The following ECPAS variants were observed in gnomAD, a reference collection of about 807,000 sequenced individuals.
ECPAS encodes Ecm29 proteasome adaptor and scaffold, also known as proteasome adapter and scaffold protein ECM29.
ECPAS carries 70 observed loss-of-function variants against 255.1 expected under a neutral mutation model. The observed-to-expected ratio is 0.27, with a 90% CI of 0.23 to 0.33. ECPAS has a LOEUF of 0.33. ECPAS is among the 10% of genes least tolerant of loss of function. ECPAS has a pLI of 1.00. For missense variants in ECPAS, 1,817 were observed against 2,206.4 expected, an observed-to-expected ratio of 0.82 and a Z score of 3.54; for synonymous variants, 784 against 775.0, an observed-to-expected ratio of 1.01 and a Z score of -0.19.
rs562752829 is a variant in ECPAS at position 111,422,303 on chromosome 9, A to G, written c.1266-103T>C. The G allele has an allele frequency of 3.3e-4, 405 of 1,241,350 alleles. 1 individual carries two copies. In the African/African-American group the frequency reaches 5.8e-3, roughly 18 times the overall value. The allele number at this position is 1,241,350 out of a possible 1,614,324, so 76.9% of individuals were successfully genotyped here. ...AAATTTTCCTGAACTCTCTGAAGACAATGTCAGCATCATTACCCGCTCTGA... is the reference window on the plus strand; with the variant it reads ...AAATTTTCCTGAACTCTCTGAAGACGATGTCAGCATCATTACCCGCTCTGA... On this transcript the variant is annotated intron_variant, in intron 13 of 49. Coordinates refer to ENST00000684092, the MANE Select transcript of ECPAS (RefSeq NM_001364929.1).
chr9:111,398,729 G>T (rs755598657), intron 24 of ECPAS, among the ~76,000 whole-genome samples: 1 of 152,126 alleles, frequency 6.6e-6, no homozygotes, highest in African/African-American at 2.4e-5. Context: ...CTGAGGTCAG[G>T]AGTTTAAGAC....
At position 111,410,116 on chromosome 9, in the gene ECPAS, C is replaced by G; in HGVS notation, c.2475G>C (p.Glu825Asp). 6.2e-7 allele frequency: 1 copy of G among 1,608,334 alleles called. No individual in the cohort carries two copies. The highest frequency in any genetic ancestry group is 8.5e-7 in the Non-Finnish European group (1 of 1,177,402). ...GATGCAATTTGGTAAAGCCAGATCC[C>G]TCACTGGGGATTGGAAGTGGACCAT... is the stretch of plus-strand genomic sequence containing the variant. ...GRNGPLPIPS[E>D]GSGFTKLHLV... The change falls in exon 23 of 50, where the codon GAG (glutamate) becomes GAC (aspartate). Residue 825 changes from glutamate (E) to aspartate (D), a missense_variant. Glu to Asp is a conservative substitution (Grantham distance 45). This residue lies in a region of ECPAS where 194 missense variants were observed against 152.8 expected (regional missense o/e 1.27). Coordinates refer to ENST00000684092, the MANE Select transcript of ECPAS (RefSeq NM_001364929.1).
At chr9:111,417,746 C>CA (rs397935038) in intron 17 of ECPAS, 137 bp downstream of exon 17, 182,726 of 714,358 alleles carry the variant, frequency 0.26, 3,922 homozygotes, top group East Asian at 0.36. Context: ...AGCTCCATCT[C>CA]AAAAAAAAAA....
At chr9:111,481,578 C>A (rs533579222) in intron 1 of ECPAS, among the ~76,000 whole-genome samples, 22 of 152,238 alleles carry the variant, frequency 1.4e-4, no homozygotes, top group Admixed American at 4.6e-4. Flanking sequence ...ATCACATGAT[C>A]CAGCAATTAC....
At chr9:111,403,798 T>A (rs1488196621) in intron 24 of ECPAS, among the ~76,000 whole-genome samples, 1 of 149,880 alleles carries the variant, frequency 6.7e-6, no homozygotes, top group Non-Finnish European at 1.5e-5. Flanking sequence ...CCAACTGCTA[T>A]AGAATACACG....
chr9:111,378,501 GTCAT>G, intron 36 of ECPAS, 75 bp downstream of exon 36: 1 of 1,405,586 alleles, frequency 7.1e-7, no homozygotes, highest in Non-Finnish European at 9.7e-7. Flanking sequence ...TAGTGACAGT[GTCAT>G]TCAAATGAAC....
intron 10 of ECPAS, 69 bp downstream of exon 10, chr9:111,427,973 G>T: frequency 2.1e-6 from 3 of 1,453,800 alleles, no homozygotes; most frequent in Non-Finnish European, 2.8e-6. Context: ...CATTAACACA[G>T]TTCTTTCTCT....
chr9:111,429,529 G>A (rs2098226755), intron 9 of ECPAS, among the ~76,000 whole-genome samples: 1 of 152,080 alleles, frequency 6.6e-6, no homozygotes, highest in Admixed American at 6.6e-5. Context: ...AGAACATGAG[G>A]CCAGGAAAAG....
chr9:111,432,662 C>T (rs182066546), intron 8 of ECPAS, among the ~76,000 whole-genome samples: 2 of 152,276 alleles, frequency 1.3e-5, no homozygotes, highest in Admixed American at 1.3e-4. Flanking sequence ...TCAATAGAAA[C>T]GTAAATGGGT....
Position 111,392,840 on chromosome 9 carries a change from T to C in ECPAS, c.3020A>G (p.Tyr1007Cys). Residue 1007 changes from tyrosine to cysteine, a missense_variant, in exon 28 of 50, where the codon TAT becomes TGT. Coordinates refer to ENST00000684092, the MANE Select transcript of ECPAS (RefSeq NM_001364929.1). The part of the protein sequence containing the change: ...DVASKGLGLV[Y>C]ELGNEQDQQE... ...TTGATCTTGTTCATTGCCTAGTTCA[T>C]AAACCAACCCAAGGCCCTTTGATGC... The C allele has an allele frequency of 6.2e-7, 1 of 1,613,730 alleles. No individual in the cohort carries two copies. Among genetic ancestry groups the C allele is most frequent in the Non-Finnish European group, 8.5e-7 (1 of 1,179,760 alleles).
At chr9:111,417,000 T>C (rs2131760909) in intron 17 of ECPAS, among the ~76,000 whole-genome samples, 1 of 152,216 alleles carries the variant, frequency 6.6e-6, no homozygotes, top group African/African-American at 2.4e-5. Context: ...ATCCTTAAAC[T>C]TACACTACCC....
At position 111,366,637 on chromosome 9, in the gene ECPAS, A is replaced by G; in HGVS notation, c.5114-10T>C. 1 of 1,592,468 alleles carries G rather than the reference A, an allele frequency of 6.3e-7. No homozygotes were observed. The highest frequency in any genetic ancestry group is 1.7e-5 in the Admixed American group (1 of 59,790). On this transcript the variant is annotated splice_polypyrimidine_tract_variant and intron_variant, in intron 46 of 49. Transcript: ENST00000684092. ...TCCTGACGATAACAACCTGGGAAAA[A>G]AAGACAAGGTGGGACAGAGCAGGAG... is the stretch of plus-strand genomic sequence containing the variant.
intron 1 of ECPAS, among the ~76,000 whole-genome samples, chr9:111,480,683 A>C (rs2098303464): frequency 6.6e-6 from 1 of 152,230 alleles, no homozygotes; most frequent in African/African-American, 2.4e-5. Context: ...TAACCAGTGT[A>C]CATGTATATG....
In ECPAS at chr9:111,407,180, T is replaced by G. The variant is rs184704869; in HGVS notation, c.2652+1391A>C. Among the ~76,000 whole-genome samples the G allele has an allele frequency of 8.8e-4, 128 of 145,840 alleles. 10 individuals carry two copies. Among genetic ancestry groups the G allele is most frequent in the African/African-American group, 2.8e-3 (103 of 37,422 alleles). On this transcript the variant is annotated intron_variant, in intron 24 of 49. Transcript: ENST00000684092. ...ACTTTGGGAGGCCGAGGTGGGCGGA[T>G]CACCTGAGGGCAGAAGTTCAAGACC...
At chr9:111,469,341 C>A (rs1408095200) in intron 2 of ECPAS, among the ~76,000 whole-genome samples, 1 of 151,774 alleles carries the variant, frequency 6.6e-6, no homozygotes, top group Non-Finnish European at 1.5e-5. Context: ...GAGACCAGCC[C>A]GGCCAACATG....
intron 1 of ECPAS, among the ~76,000 whole-genome samples, chr9:111,475,287 G>A (rs1461686853): frequency 6.6e-6 from 1 of 152,182 alleles, no homozygotes; most frequent in African/African-American, 2.4e-5. Context: ...TGAAACGAGA[G>A]CTCAGCAACA....
At chr9:111,449,433 A>G (rs2098257370) in intron 3 of ECPAS, among the ~76,000 whole-genome samples, 1 of 152,170 alleles carries the variant, frequency 6.6e-6, no homozygotes, top group African/African-American at 2.4e-5. Flanking sequence ...TTGCTTCAGT[A>G]AACATTTAAA....
At chr9:111,469,537 G>A (rs919755147) in intron 2 of ECPAS, among the ~76,000 whole-genome samples, 6 of 150,786 alleles carry the variant, frequency 4.0e-5, no homozygotes, top group Non-Finnish European at 8.8e-5. Flanking sequence ...CCCGCCAGGC[G>A]CGGTGGCTCA....
chr9:111,415,132 T>C (rs1410375113), intron 18 of ECPAS, among the ~76,000 whole-genome samples: 1 of 152,102 alleles, frequency 6.6e-6, no homozygotes. Flanking sequence ...CAAACCCCCA[T>C]GACACATATT....
Sources: allele counts gnomAD v4.1 joint callset (sites outside exome capture counted in the v4.1 genomes callset), GRCh38; gene constraint gnomAD v4.1.1; regional missense constraint gnomAD v4.1.1; transcripts MANE v1.5; gene names NCBI Gene and HGNC (gene_info 2026-07-23, HGNC 2026-07-21).